The following XPNPEP2 variants were observed in gnomAD, a reference collection of about 807,000 sequenced individuals.
The protein encoded by XPNPEP2 is xaa-Pro aminopeptidase 2.
In XPNPEP2, 64 loss-of-function variants were observed where a neutral mutation model predicts 59.8. The observed-to-expected ratio is 1.07, with a 90% CI of 0.87 to 1.32. XPNPEP2 has a LOEUF of 1.32. XPNPEP2 is among the 40% of genes most tolerant of loss of function. The probability of loss-of-function intolerance (pLI) is 0.00; values close to 1 mark genes in which losing one functional copy is unlikely to be tolerated. For missense variants in XPNPEP2, 575 were observed against 546.8 expected (o/e 1.05, Z -0.51); for synonymous variants, 235 against 210.0 (o/e 1.12, Z -1.03).
At chrX:129,757,796 G>GAAAGA (rs1401705150) in intron 14 of XPNPEP2, among the ~76,000 whole-genome samples, 47 of 33,466 alleles carry the variant, frequency 1.4e-3, no homozygotes, top group Admixed American at 5.4e-3. Flanking sequence ...ACTATAAAAG[G>GAAAGA]AAGAAAGAAA....
chrX:129,761,717 G>A (rs376248511), intron 17 of XPNPEP2, among the ~76,000 whole-genome samples: 3 of 111,862 alleles, frequency 2.7e-5, no homozygotes, highest in African/African-American at 9.7e-5. Flanking sequence ...CTGGCTACTC[G>A]GGAGGCTGAG....
At chrX:129,757,560 C>T (rs1265874000) in intron 14 of XPNPEP2, among the ~76,000 whole-genome samples, 1 of 107,969 alleles carries the variant, frequency 9.3e-6, no homozygotes, top group Non-Finnish European at 1.9e-5. Flanking sequence ...AATCCCAGCA[C>T]TTTGGGAGGC....
chrX:129,757,795 G>GGAAGAAA (rs1556393741), intron 14 of XPNPEP2, among the ~76,000 whole-genome samples: 2 of 67,250 alleles, frequency 3.0e-5, no homozygotes, highest in African/African-American at 1.2e-4. Flanking sequence ...GACTATAAAA[G>GGAAGAAA]GAAGAAAGAA....
intron 13 of XPNPEP2, among the ~76,000 whole-genome samples, chrX:129,755,762 C>A (rs1166424485): frequency 1.8e-5 from 2 of 112,914 alleles, no homozygotes; most frequent in Non-Finnish European, 3.8e-5. Flanking sequence ...AGAAAACAAA[C>A]CCCTGCAGGC....
At chrX:129,759,533 A>G (rs751279378) in intron 15 of XPNPEP2, among the ~76,000 whole-genome samples, 5 of 112,562 alleles carry the variant, frequency 4.4e-5, no homozygotes, top group Non-Finnish European at 9.4e-5. Flanking sequence ...AGCAGAAAGG[A>G]GAAAGAAAGG....
Position 129,750,496 on chromosome X carries a change from C to A in XPNPEP2, c.666C>A (p.Gly222=). The A allele has an allele frequency of 2.5e-6, 3 of 1,196,198 alleles. No homozygotes were observed. Among genetic ancestry groups the A allele is most frequent in the Non-Finnish European group, 3.4e-6 (3 of 887,763 alleles). ...GCACTTGGCAGGAGAAAGTATCTGG[C>A]GTCCGAAGCCAGATGCAGAAGCATC... is the stretch of plus-strand genomic sequence containing the variant. The part of the protein sequence containing the change: ...TGSTWQEKVS[G]VRSQMQKHQK... Residue 222 remains glycine, a synonymous_variant, in exon 8 of 21, where the codon GGC becomes GGA. Transcript: ENST00000371106.
rs143448983 is a variant in XPNPEP2, at chrX:129,765,503, G to C, written c.1741-2100G>C. ...AATTGTACTTTCTCCAACAGTGTGT[G>C]AGAGTGCCCATTTCCTCACATACTC... On this transcript the variant is annotated intron_variant, in intron 19 of 20. Coordinates refer to ENST00000371106, the MANE Select transcript of XPNPEP2 (RefSeq NM_003399.6). 2.4e-3 allele frequency among the ~76,000 whole-genome samples: 265 copies of C among 111,462 alleles called. 2 individuals carry two copies. The highest frequency in any genetic ancestry group is 8.4e-3 in the African/African-American group (257 of 30,671).
At chrX:129,742,476 G>A (rs1296789039) in intron 2 of XPNPEP2, among the ~76,000 whole-genome samples, 1 of 108,526 alleles carries the variant, frequency 9.2e-6, no homozygotes, top group Non-Finnish European at 1.9e-5. Flanking sequence ...ACCCCTCTAG[G>A]AGGAGGGAGG....
chrX:129,765,129 C>A lies in XPNPEP2; in HGVS notation c.1740+2359C>A, dbSNP rs575704602. 9.8e-5 allele frequency among the ~76,000 whole-genome samples: 11 copies of A among 112,099 alleles called. No individual in the cohort carries two copies. In the South Asian group the frequency reaches 4.1e-3, roughly 41 times the overall value. On this transcript the variant is annotated intron_variant, in intron 19 of 20. Transcript: ENST00000371106. ...GGATTCTACTGTACATACTTTTCTG[C>A]ACCTTCCTTCCCTGCCCCGCTGCCC...
rs936537271 is a variant in XPNPEP2, at chrX:129,740,995, G to A, written c.50-1113G>A. On this transcript the variant is annotated intron_variant, in intron 1 of 20. Coordinates refer to ENST00000371106, the MANE Select transcript of XPNPEP2 (RefSeq NM_003399.6). Reference sequence around the variant, plus strand: ...AGTGTAATGTCTCCCCACACTCAGGGCCCCATTACCATCTAGGGAAATCCC... The same window carrying A: ...AGTGTAATGTCTCCCCACACTCAGGACCCCATTACCATCTAGGGAAATCCC... Among the ~76,000 whole-genome samples the A allele has an allele frequency of 4.7e-4, 51 of 108,840 alleles. 1 individual carries two copies. The highest frequency in any genetic ancestry group is 5.5e-4 in the Non-Finnish European group (29 of 52,267). 94.5% of individuals were successfully genotyped at this position (108,840 alleles called of 115,157 possible).
At chrX:129,765,977 G>A (rs189981998) in intron 19 of XPNPEP2, among the ~76,000 whole-genome samples, 1 of 112,032 alleles carries the variant, frequency 8.9e-6, no homozygotes, top group Admixed American at 9.4e-5. Flanking sequence ...CTTTCCACAT[G>A]TATGTGAACC....
chrX:129,742,227 AC>A (rs763372520), intron 2 of XPNPEP2, 46 bp downstream of exon 2: 25 of 552,019 alleles, frequency 4.5e-5, no homozygotes, highest in Middle Eastern at 8.0e-4. Flanking sequence ...GGCCCCACGC[AC>A]CCCCCCACCC....
At chrX:129,752,494 G>A (rs1264008772) in intron 10 of XPNPEP2, 149 bp downstream of exon 10, 2 of 600,525 alleles carry the variant, frequency 3.3e-6, no homozygotes, top group Non-Finnish European at 2.5e-6. Flanking sequence ...TGGCCTAACT[G>A]GGAAGAGCCA....
At chrX:129,739,682 C>T (rs1372683212) in intron 1 of XPNPEP2, among the ~76,000 whole-genome samples, 30 of 111,664 alleles carry the variant, frequency 2.7e-4, no homozygotes, top group Non-Finnish European at 5.3e-4. Context: ...ACCGACTGAA[C>T]AGCATTCTTG....
chrX:129,761,246 G>A lies in XPNPEP2; in HGVS notation c.1573G>A (p.Gly525Ser), dbSNP rs1926651380. The change falls in exon 17 of 21, where the codon GGC becomes AGC. Residue 525 changes from glycine (G) to serine (S), a missense_variant. Gly to Ser is a moderately conservative substitution (Grantham distance 56). Coordinates refer to ENST00000371106, the MANE Select transcript of XPNPEP2 (RefSeq NM_003399.6). ...CAATTATGGTCATGGGACAGGCCAC[G>A]GCATTGGCAACTTCCTGTGTGTGCA... ...GLNYGHGTGH[G>S]IGNFLCVHEW... 3 of 1,211,908 alleles carry A rather than the reference G, an allele frequency of 2.5e-6. No individual in the cohort carries two copies. The highest frequency in any genetic ancestry group is 3.4e-6 in the Non-Finnish European group (3 of 895,441).
chrX:129,747,463 G>A, intron 6 of XPNPEP2, 144 bp from the exon 7 acceptor site: 2 of 779,176 alleles, frequency 2.6e-6, no homozygotes, highest in African/African-American at 2.1e-5. Flanking sequence ...CGGGGGTGGG[G>A]GGTGGGCAGG....
chrX:129,744,042 T>C lies in XPNPEP2; in HGVS notation c.205T>C (p.Tyr69His). 1 of 1,211,628 alleles carries C rather than the reference T, an allele frequency of 8.3e-7. No homozygotes were observed. The highest frequency in any genetic ancestry group is 1.1e-6 in the Non-Finnish European group (1 of 895,302). ...GATGCAGACCCAGAATCTCTCAGCC[T>C]ACATCATCCCAGGCACAGATGCTCA... The part of the protein sequence containing the change: ...QQMQTQNLSA[Y>H]IIPGTDAHMN... Residue 69 changes from tyrosine (Y) to histidine (H), a missense_variant, in exon 3 of 21, where the codon TAC (tyrosine) becomes CAC (histidine). Coordinates refer to ENST00000371106, the MANE Select transcript of XPNPEP2 (RefSeq NM_003399.6).
intron 19 of XPNPEP2, among the ~76,000 whole-genome samples, chrX:129,763,722 A>C (rs1018653687): frequency 9.0e-6 from 1 of 111,436 alleles, no homozygotes; most frequent in African/African-American, 3.3e-5. Flanking sequence ...AACACAAACT[A>C]CCATAACTAA....
chrX:129,756,206 G>T (rs185301453), intron 13 of XPNPEP2, among the ~76,000 whole-genome samples: 3 of 112,206 alleles, frequency 2.7e-5, no homozygotes, highest in Non-Finnish European at 5.7e-5. Flanking sequence ...GAGCTGGGGG[G>T]TCTCTAGGGC....
Sources: allele counts gnomAD v4.1 joint callset (sites outside exome capture counted in the v4.1 genomes callset), GRCh38; gene constraint gnomAD v4.1.1; transcripts MANE v1.5; gene names NCBI Gene and HGNC (gene_info 2026-07-23, HGNC 2026-07-21).